Variants in MBNL1 observed in about 807,000 individuals in gnomAD.
MBNL1 encodes the protein muscleblind-like protein 1.
In MBNL1, 8 loss-of-function variants were observed where a neutral mutation model predicts 42.2. That is an observed-to-expected ratio of 0.19 (90% CI 0.11 to 0.34). The LOEUF is 0.34. Among genes scored for constraint, MBNL1 ranks in the 10% least tolerant of loss-of-function variants. The pLI is 1.00. For synonymous variants in MBNL1, 169 were observed against 173.9 expected (o/e 0.97, Z 0.22); for missense variants, 309 against 495.3 (o/e 0.62, Z 3.57).
rs562733145 is a variant in MBNL1 at position 152,275,380 on chromosome 3, G to A, written c.-790+6288G>A. On this transcript the variant is annotated intron_variant, in intron 1 of 9. Coordinates refer to ENST00000324210, the MANE Select transcript of MBNL1 (RefSeq NM_021038.5). ...GCCAGGTTCTGAAGAGATACACCACGAGTTCTTATAAACACTATATCTAAA... is the reference window on the plus strand; with the variant it reads ...GCCAGGTTCTGAAGAGATACACCACAAGTTCTTATAAACACTATATCTAAA... Among the ~76,000 whole-genome samples, 4 of 152,182 alleles carry A rather than the reference G, an allele frequency of 2.6e-5. No homozygotes were observed. The South Asian group carries it at 8.3e-4, about 32-fold the overall frequency.
chr3:152,309,831 A>G (rs1223985840), intron 2 of MBNL1, among the ~76,000 whole-genome samples: 1 of 152,214 alleles, frequency 6.6e-6, no homozygotes, highest in Non-Finnish European at 1.5e-5. Flanking sequence ...CCTAGGAAGC[A>G]TTTATAACTA....
intron 1 of MBNL1, among the ~76,000 whole-genome samples, chr3:152,280,092 C>A (rs1208571879): frequency 6.6e-6 from 1 of 152,090 alleles, no homozygotes; most frequent in African/African-American, 2.4e-5. Flanking sequence ...AAGAAAGCAT[C>A]CTTAATAGCA....
At chr3:152,269,425 C>G in intron 1 of MBNL1, 1 of 429,584 alleles carries the variant, frequency 2.3e-6, no homozygotes, top group South Asian at 1.6e-5. Context: ...CAAGTGTACT[C>G]ACAACTTAAT....
intron 2 of MBNL1, among the ~76,000 whole-genome samples, chr3:152,394,387 T>G (rs2097845698): frequency 1.3e-5 from 2 of 152,236 alleles, no homozygotes; most frequent in Non-Finnish European, 2.9e-5. Flanking sequence ...TGACACTGTT[T>G]TAGTTCTGAA....
chr3:152,332,739 T>TGTGAGC (rs1256022678), intron 2 of MBNL1, among the ~76,000 whole-genome samples: 1 of 115,702 alleles, frequency 8.6e-6, no homozygotes, highest in Admixed American at 8.0e-5. Context: ...TGTGTGTGTG[T>TGTGAGC]GCGCGCGCGC....
At chr3:152,260,364 A>G (rs948030355) in intron 2 of MBNL1, among the ~76,000 whole-genome samples, 12 of 152,192 alleles carry the variant, frequency 7.9e-5, no homozygotes, top group Admixed American at 6.5e-4. Context: ...GACTGACGGC[A>G]CATTCACGAA....
At chr3:152,366,857 A>G (rs373541150) in intron 2 of MBNL1, among the ~76,000 whole-genome samples, 341 of 152,240 alleles carry the variant, frequency 2.2e-3, no homozygotes, top group African/African-American at 8.0e-3. Context: ...ATATCATCTC[A>G]TTTATTTTCC....
chr3:152,338,589 A>G, intron 2 of MBNL1: 1 of 985,198 alleles, frequency 1.0e-6, no homozygotes, highest in Non-Finnish European at 1.2e-6. Context: ...AGCCCCTAAG[A>G]CTCTGGGAGG....
intron 1 of MBNL1, among the ~76,000 whole-genome samples, chr3:152,286,109 G>A (rs947508754): frequency 6.6e-6 from 1 of 151,344 alleles, no homozygotes; most frequent in African/African-American, 2.4e-5. Flanking sequence ...GATAAAAGTG[G>A]TTCTTTTTCC....
chr3:152,398,693 A>G (rs902888684), intron 2 of MBNL1, among the ~76,000 whole-genome samples: 1 of 152,154 alleles, frequency 6.6e-6, no homozygotes, highest in Non-Finnish European at 1.5e-5. Context: ...TTCTTGTCTG[A>G]GGAATTCATG....
chr3:152,455,608 T>G (rs1328994192), intron 7 of MBNL1, 31 bp downstream of exon 7: 6 of 1,605,724 alleles, frequency 3.7e-6, no homozygotes, highest in African/African-American at 1.3e-5. Flanking sequence ...TTGATTATCT[T>G]AAACCTATGG....
At chr3:152,324,535 T>A (rs1362858400) in intron 2 of MBNL1, among the ~76,000 whole-genome samples, 1 of 152,194 alleles carries the variant, frequency 6.6e-6, no homozygotes, top group Non-Finnish European at 1.5e-5. Flanking sequence ...TGAGAGCGTT[T>A]ACACTTTGGA....
rs573011451 is a variant in MBNL1, at chr3:152,390,285, T to A, written c.175-24656T>A. ...TTTTTTTTTTTATTTTGTAAACCTT[T>A]AAAAACTAAGACACAAACGTATATG... is the stretch of plus-strand genomic sequence containing the variant. On this transcript the variant is annotated intron_variant, in intron 2 of 9. Transcript: ENST00000324210. Among the ~76,000 whole-genome samples the A allele has an allele frequency of 1.7e-4, 26 of 152,050 alleles. No individual in the cohort carries two copies. In the South Asian group the frequency reaches 5.4e-3, roughly 32 times the overall value.
chr3:152,382,671 C>A (rs1206564186), intron 2 of MBNL1, among the ~76,000 whole-genome samples: 1 of 152,048 alleles, frequency 6.6e-6, no homozygotes, highest in African/African-American at 2.4e-5. Context: ...TATTTGTCCT[C>A]AGTGGCAGAA....
intron 1 of MBNL1, among the ~76,000 whole-genome samples, chr3:152,279,258 T>C (rs1347043308): frequency 6.6e-6 from 1 of 152,098 alleles, no homozygotes; most frequent in Non-Finnish European, 1.5e-5. Context: ...ATCATCATCC[T>C]CTTAGAGGAC....
intron 6 of MBNL1, among the ~76,000 whole-genome samples, chr3:152,448,214 AAAC>A (rs1361753199): frequency 2.6e-5 from 4 of 152,196 alleles, no homozygotes; most frequent in Non-Finnish European, 5.9e-5. Context: ...TCAAGAATGA[AAAC>A]AACTATGCGT....
At chr3:152,416,503 T>A (rs1283093711) in intron 3 of MBNL1, among the ~76,000 whole-genome samples, 1 of 152,230 alleles carries the variant, frequency 6.6e-6, no homozygotes, top group African/African-American at 2.4e-5. Flanking sequence ...CACTTGGCTC[T>A]CACATACAGT....
At chr3:152,411,878 A>G (rs1473065288) in intron 2 of MBNL1, among the ~76,000 whole-genome samples, 2 of 152,230 alleles carry the variant, frequency 1.3e-5, no homozygotes, top group Non-Finnish European at 1.5e-5. Context: ...TCATTAGGTC[A>G]GTACAACTCA....
chr3:152,252,577 T>G (rs1372440299), intron 2 of MBNL1, among the ~76,000 whole-genome samples: 21 of 151,992 alleles, frequency 1.4e-4, no homozygotes, highest in Admixed American at 1.4e-3. Context: ...GGGTTGAGCT[T>G]TTATCTTTGT....
Sources: gnomAD v4.1 joint callset for allele counts (sites outside exome capture counted in the v4.1 genomes callset) on GRCh38, gnomAD v4.1.1 for gene constraint, MANE v1.5 for transcripts, NCBI Gene and HGNC (gene_info 2026-07-23, HGNC 2026-07-21) for gene names.